The following COL4A6 variants were observed in gnomAD, a reference collection of about 807,000 sequenced individuals.
COL4A6 encodes collagen type IV alpha 6 chain, also known as collagen alpha-6(IV) chain.
In COL4A6, 59 loss-of-function variants were observed where a neutral mutation model predicts 126.7. That is an observed-to-expected ratio of 0.47 (90% CI 0.38 to 0.58). The LOEUF is 0.58. Among genes scored for constraint, COL4A6 ranks in the 20% least tolerant of loss-of-function variants. COL4A6 has a pLI of 0.00. For missense variants in COL4A6, 1,285 were observed against 1,337.3 expected (o/e 0.96, Z 0.61); for synonymous variants, 547 against 496.6 (o/e 1.10, Z -1.35).
chrX:108,361,019 T>A (rs1474899944), intron 2 of COL4A6, among the ~76,000 whole-genome samples: 2 of 111,219 alleles, frequency 1.8e-5, no homozygotes, highest in Non-Finnish European at 3.8e-5. Flanking sequence ...AGGCTGGAAG[T>A]CAGAGCTATC....
Position 108,156,804 on chromosome X carries a change from C to T in COL4A6, c.*196G>A. On this transcript the variant is annotated 3_prime_UTR_variant, in exon 45 of 45. Coordinates refer to ENST00000334504, the MANE Select transcript of COL4A6 (RefSeq NM_033641.4). The stretch of plus-strand genomic sequence containing the variant: ...GCTTGACAGAAACAGGACAGCAGAT[C>T]TCAGCAGGGTGGGCTCATCTCTATG... The T allele has an allele frequency of 4.3e-6, 2 of 465,312 alleles. No individual in the cohort carries two copies. The highest frequency in any genetic ancestry group is 7.5e-6 in the Non-Finnish European group (2 of 266,078). 38.3% of individuals were successfully genotyped at this position (465,312 alleles called of 1,213,427 possible).
chrX:108,400,383 GATTAA>G (rs1039807852), intron 2 of COL4A6, among the ~76,000 whole-genome samples: 6 of 111,140 alleles, frequency 5.4e-5, no homozygotes, highest in African/African-American at 2.0e-4. Flanking sequence ...GCTTGTAATA[GATTAA>G]ATTATCAGCA....
At chrX:108,406,241 G>T (rs894196424) in intron 2 of COL4A6, among the ~76,000 whole-genome samples, 1 of 112,006 alleles carries the variant, frequency 8.9e-6, no homozygotes, top group Non-Finnish European at 1.9e-5. Context: ...AAAGTGCTGG[G>T]ATTATAGGTG....
intron 8 of COL4A6, 83 bp from the exon 9 acceptor site, chrX:108,206,663 T>A: frequency 2.5e-6 from 2 of 806,162 alleles, no homozygotes; most frequent in Non-Finnish European, 3.8e-6. Context: ...ACGAGAACTG[T>A]ACAAGAATGT....
At chrX:108,420,851 G>A (rs2063971546) in intron 2 of COL4A6, among the ~76,000 whole-genome samples, 2 of 111,579 alleles carry the variant, frequency 1.8e-5, no homozygotes, top group African/African-American at 3.3e-5. Context: ...TAGTGTTGAC[G>A]CTTTCATTTG....
intron 8 of COL4A6, 103 bp downstream of exon 8, chrX:108,209,865 CT>C (rs1466899558): frequency 3.5e-6 from 3 of 863,433 alleles, no homozygotes; most frequent in Admixed American, 2.9e-5. Context: ...CTAGATTTTC[CT>C]TGAGGTCTAC....
At chrX:108,336,434 C>G (rs1261845591) in intron 2 of COL4A6, among the ~76,000 whole-genome samples, 1 of 111,332 alleles carries the variant, frequency 9.0e-6, no homozygotes, top group African/African-American at 3.3e-5. Flanking sequence ...TTCAGAAAGA[C>G]TAAATCCATA....
intron 2 of COL4A6, among the ~76,000 whole-genome samples, chrX:108,380,171 G>A (rs1425903863): frequency 8.9e-6 from 1 of 112,334 alleles, no homozygotes; most frequent in Non-Finnish European, 1.9e-5. Flanking sequence ...AATGGAGATA[G>A]TATATTTAAT....
In COL4A6 at chrX:108,180,909, G is replaced by A. The variant is rs370305502; in HGVS notation, c.2011C>T (p.Pro671Ser). The A allele has an allele frequency of 1.3e-5, 16 of 1,208,750 alleles. No homozygotes were observed. The highest frequency in any genetic ancestry group is 1.8e-5 in the Non-Finnish European group (16 of 893,953). The change falls in exon 24 of 45, where the codon CCC becomes TCC. Residue 671 changes from proline (P) to serine (S), a missense_variant. Pro to Ser is a moderately conservative substitution (Grantham distance 74). Transcript: ENST00000334504. Reference protein sequence around the residue: ...SYGPSGFPGTPGFPGPKGSRG... With the variant: ...SYGPSGFPGTSGFPGPKGSRG... ...CCTCATTCCATACCTGGGAATCCGG[G>A]AGTGCCTGGAAATCCTGATGGACCG... is the stretch of plus-strand genomic sequence containing the variant.
intron 32 of COL4A6, 104 bp downstream of exon 32, chrX:108,172,365 G>GAAAAAA (rs397935341): frequency 4.4e-4 from 49 of 111,196 alleles, no homozygotes; most frequent in Middle Eastern, 3.3e-3. Context: ...GCCTAAAAAA[G>GAAAAAA]AAAAAAAAAA....
Position 108,298,484 on chromosome X carries a change from C to T in COL4A6, c.144+12264G>A, listed in dbSNP as rs745428633. Among the ~76,000 whole-genome samples, 136 of 111,614 alleles carry T rather than the reference C, an allele frequency of 1.2e-3. 1 individual carries two copies. Among genetic ancestry groups the T allele is most frequent in the African/African-American group, 3.3e-3 (102 of 30,754 alleles). ...TCTCCCTGGGCGGCCTCACCACTGA[C>T]CCTGGGAGGTCACCTCCCAGCCACG... On this transcript the variant is annotated intron_variant, in intron 3 of 44. Coordinates refer to ENST00000334504, the MANE Select transcript of COL4A6 (RefSeq NM_033641.4).
chrX:108,399,112 T>G (rs1260613271), intron 2 of COL4A6, among the ~76,000 whole-genome samples: 1 of 111,105 alleles, frequency 9.0e-6, no homozygotes. Context: ...CATAAGTAGG[T>G]AGTATGAAAT....
chrX:108,219,014 T>A (rs1334303856), intron 5 of COL4A6, among the ~76,000 whole-genome samples: 1 of 112,026 alleles, frequency 8.9e-6, no homozygotes. Context: ...TAAAGGCTGG[T>A]GCAATGCTAC....
chrX:108,191,829 T>C (rs1349112799), intron 18 of COL4A6, among the ~76,000 whole-genome samples: 1 of 111,470 alleles, frequency 9.0e-6, no homozygotes, highest in Non-Finnish European at 1.9e-5. Context: ...AACTTGGTCC[T>C]GGGGCCAGCT....
chrX:108,171,344 T>C, intron 33 of COL4A6, 43 bp downstream of exon 33: 10 of 1,119,171 alleles, frequency 8.9e-6, no homozygotes, highest in Non-Finnish European at 1.2e-5. Context: ...CTCAGTTTTG[T>C]GGAGTCTGTG....
At chrX:108,398,640 A>G (rs2041018886) in intron 2 of COL4A6, among the ~76,000 whole-genome samples, 1 of 111,387 alleles carries the variant, frequency 9.0e-6, no homozygotes, top group Admixed American at 9.6e-5. Context: ...GAAAAAATTC[A>G]AAACTAAAAT....
At chrX:108,421,398 A>G (rs1375825942) in intron 2 of COL4A6, among the ~76,000 whole-genome samples, 1 of 111,989 alleles carries the variant, frequency 8.9e-6, no homozygotes, top group Non-Finnish European at 1.9e-5. Context: ...AAGCTAAGGG[A>G]AGGGAAATAA....
At chrX:108,431,595 T>C (rs773755034) in intron 2 of COL4A6, among the ~76,000 whole-genome samples, 1 of 111,731 alleles carries the variant, frequency 9.0e-6, no homozygotes, top group South Asian at 3.8e-4. Flanking sequence ...GCATAACGGG[T>C]GCCAAGTTGA....
chrX:108,341,283 T>A (rs2039558114), intron 2 of COL4A6, among the ~76,000 whole-genome samples: 1 of 111,558 alleles, frequency 9.0e-6, no homozygotes, highest in Non-Finnish European at 1.9e-5. Context: ...AGCTCTAATG[T>A]CACCTCTTCT....
Sources: allele counts gnomAD v4.1 joint callset (sites outside exome capture counted in the v4.1 genomes callset), GRCh38; gene constraint gnomAD v4.1.1; transcripts MANE v1.5; gene names NCBI Gene and HGNC (gene_info 2026-07-23, HGNC 2026-07-21).